The following CDH8 variants were observed in gnomAD, a reference collection of about 807,000 sequenced individuals.
CDH8 encodes cadherin-8.
Under a neutral mutation model 68.1 loss-of-function variants are expected in CDH8, and 17 were observed. The ratio of observed to expected loss-of-function variants is 0.25; its 90% CI spans 0.17 to 0.37. The LOEUF (loss-of-function observed/expected upper bound fraction) is 0.37, where lower values mean the gene tolerates loss of function less well. Ranked by LOEUF, CDH8 falls within the 10% of genes least tolerant of loss-of-function variation. The probability of loss-of-function intolerance (pLI) is 1.00; values close to 1 mark genes in which losing one functional copy is unlikely to be tolerated. For synonymous variants in CDH8, 372 were observed against 365.1 expected, an observed-to-expected ratio of 1.02 and a Z score of -0.21; for missense variants, 763 against 999.3, an observed-to-expected ratio of 0.76 and a Z score of 3.19.
chr16:61,734,262 T>C (rs910251708), intron 8 of CDH8, among the ~76,000 whole-genome samples: 2 of 152,062 alleles, frequency 1.3e-5, no homozygotes, highest in East Asian at 3.9e-4. Context: ...GCAGTTGGAG[T>C]TGAGGTAGGT....
chr16:61,678,678 T>C (rs575206981), intron 10 of CDH8, among the ~76,000 whole-genome samples: 1 of 152,150 alleles, frequency 6.6e-6, no homozygotes, highest in Admixed American at 6.6e-5. Context: ...CTTCAAACTA[T>C]ACTACAAGGC....
At position 61,893,320 on chromosome 16, in the gene CDH8, T is replaced by C. The variant is rs192219432; in HGVS notation, c.547+7859A>G. On this transcript the variant is annotated intron_variant, in intron 3 of 11. Coordinates refer to ENST00000577390, the MANE Select transcript of CDH8 (RefSeq NM_001796.5). ...TAACTAATGACATCTGCTAAAACGC[T>C]GTTTCTAAATAAGGTCATACGCTAA... 3.0e-4 allele frequency among the ~76,000 whole-genome samples: 46 copies of C among 152,226 alleles called. 1 individual carries two copies. The South Asian group carries it at 5.0e-3, about 16-fold the overall frequency.
intron 4 of CDH8, among the ~76,000 whole-genome samples, chr16:61,825,880 C>G (rs1407963984): frequency 2.0e-5 from 3 of 151,776 alleles, no homozygotes; most frequent in Non-Finnish European, 4.4e-5. Context: ...CTGCTCAAAT[C>G]TTAATGTTTT....
chr16:62,001,581 C>G (rs1371190541), intron 2 of CDH8, among the ~76,000 whole-genome samples: 1 of 152,128 alleles, frequency 6.6e-6, no homozygotes, highest in African/African-American at 2.4e-5. Flanking sequence ...CGATCTTCTC[C>G]CTTCCTGCCT....
intron 8 of CDH8, among the ~76,000 whole-genome samples, chr16:61,751,328 C>G (rs1361707729): frequency 1.7e-5 from 2 of 117,654 alleles, no homozygotes; most frequent in East Asian, 3.0e-4. Flanking sequence ...TTTTCCTCTA[C>G]AAGGAAAACT....
intron 2 of CDH8, among the ~76,000 whole-genome samples, chr16:61,958,216 T>G (rs2143618358): frequency 6.6e-6 from 1 of 152,266 alleles, no homozygotes; most frequent in Admixed American, 6.5e-5. Context: ...AGGCTGATGA[T>G]AGCCTAGGTG....
At chr16:61,833,766 T>G (rs774078089) in intron 4 of CDH8, among the ~76,000 whole-genome samples, 5 of 151,950 alleles carry the variant, frequency 3.3e-5, no homozygotes, top group Non-Finnish European at 1.5e-5. Context: ...ACTTACTCTT[T>G]ACTGGATCTC....
chr16:61,758,129 G>C (rs1365714975), intron 8 of CDH8, among the ~76,000 whole-genome samples: 1 of 152,052 alleles, frequency 6.6e-6, no homozygotes, highest in Non-Finnish European at 1.5e-5. Context: ...CTGTTGGTGA[G>C]ATCTCACAGT....
At chr16:61,655,958 C>T (rs368625452) in intron 10 of CDH8, among the ~76,000 whole-genome samples, 1 of 150,360 alleles carries the variant, frequency 6.7e-6, no homozygotes, top group East Asian at 2.0e-4. Context: ...CTGCAAGCTT[C>T]GCCTCCCGGG....
chr16:61,951,512 C>CA (rs574416496), intron 2 of CDH8, among the ~76,000 whole-genome samples: 4,252 of 72,596 alleles, frequency 0.059, 174 homozygotes, highest in African/African-American at 0.11. Context: ...GACTCCGTCT[C>CA]AAAAAAAAAA....
chr16:61,906,055 TAATAAGA>T (rs1296745865), intron 2 of CDH8, among the ~76,000 whole-genome samples: 2 of 151,500 alleles, frequency 1.3e-5, no homozygotes, highest in Non-Finnish European at 2.9e-5. Context: ...AAAAGAAAGG[TAATAAGA>T]AATAAGAATA....
intron 1 of CDH8, among the ~76,000 whole-genome samples, chr16:62,024,864 A>C (rs1186020852): frequency 1.3e-5 from 2 of 152,224 alleles, no homozygotes; most frequent in African/African-American, 4.8e-5. Flanking sequence ...TTCTTTTTGA[A>C]CAAGACCGTT....
chr16:61,953,429 C>A (rs1013259335), intron 2 of CDH8, among the ~76,000 whole-genome samples: 65 of 152,018 alleles, frequency 4.3e-4, no homozygotes, highest in African/African-American at 1.4e-3. Context: ...TTTAAAATAA[C>A]TTGTCATATT....
At chr16:61,927,782 A>T (rs1964478329) in intron 2 of CDH8, among the ~76,000 whole-genome samples, 1 of 152,234 alleles carries the variant, frequency 6.6e-6, no homozygotes, top group South Asian at 2.1e-4. Context: ...CCAGTGGCCA[A>T]CATGGCTACC....
chr16:61,933,691 T>A (rs1597075209), intron 2 of CDH8, among the ~76,000 whole-genome samples: 1 of 152,104 alleles, frequency 6.6e-6, no homozygotes, highest in Non-Finnish European at 1.5e-5. Flanking sequence ...TATGTGCCTG[T>A]TTTTTTCTTT....
intron 2 of CDH8, among the ~76,000 whole-genome samples, chr16:61,913,621 G>T (rs1248751113): frequency 6.6e-6 from 1 of 152,058 alleles, no homozygotes; most frequent in African/African-American, 2.4e-5. Context: ...TTGTGTGTGT[G>T]TGCATGTGTA....
At chr16:61,970,032 G>A (rs1380985334) in intron 2 of CDH8, among the ~76,000 whole-genome samples, 2 of 152,148 alleles carry the variant, frequency 1.3e-5, no homozygotes, top group African/African-American at 2.4e-5. Context: ...TTCAATATAT[G>A]TCTTAAAGGC....
In CDH8 at chr16:61,653,293, C is replaced by G; in HGVS notation, c.*315G>C. On this transcript the variant is annotated 3_prime_UTR_variant, in exon 12 of 12. Transcript: ENST00000577390. The stretch of plus-strand genomic sequence containing the variant: ...CACCTTTTAATTATGATTTTTTCCT[C>G]TATTTAAACCATTTATCTAAGGATT... The G allele has an allele frequency of 2.6e-6, 3 of 1,175,006 alleles. No individual in the cohort carries two copies. Among genetic ancestry groups the G allele is most frequent in the Middle Eastern group, 3.4e-4 (1 of 2,928 alleles). The allele number at this position is 1,175,006 out of a possible 1,614,324, so 72.8% of individuals were successfully genotyped here.
intron 4 of CDH8, among the ~76,000 whole-genome samples, chr16:61,826,331 T>A (rs953859780): frequency 2.6e-5 from 4 of 151,890 alleles, no homozygotes; most frequent in African/African-American, 9.7e-5. Flanking sequence ...TTTCATATTT[T>A]CCCATGTCAA....
Sources: gnomAD v4.1 joint callset for allele counts (sites outside exome capture counted in the v4.1 genomes callset) on GRCh38, gnomAD v4.1.1 for gene constraint, MANE v1.5 for transcripts, NCBI Gene and HGNC (gene_info 2026-07-23, HGNC 2026-07-21) for gene names.